ZNF441: variants seen among roughly 807,000 people sequenced by gnomAD.
The protein encoded by ZNF441 is zinc finger protein 441.
Under a neutral mutation model 64.5 loss-of-function variants are expected in ZNF441, and 25 were observed. The ratio of observed to expected loss-of-function variants is 0.39; its 90% confidence interval spans 0.28 to 0.54. The LOEUF (loss-of-function observed/expected upper bound fraction) is 0.54, where lower values mean the gene tolerates loss of function less well. Ranked by LOEUF, ZNF441 falls within the 20% of genes least tolerant of loss-of-function variation. ZNF441 has a pLI of 0.70. For missense variants in ZNF441, 715 were observed against 843.3 expected, an observed-to-expected ratio of 0.85 and a Z score of 1.88; for synonymous variants, 262 against 268.0, an observed-to-expected ratio of 0.98 and a Z score of 0.22.
chr19:11,778,054 T>A (rs1306917158), intron 2 of ZNF441: 1 of 426,660 alleles, frequency 2.3e-6, no homozygotes, highest in African/African-American at 2.1e-5. Flanking sequence ...GAACATTATT[T>A]AGTATTCATA....
chr19:11,775,761 G>A (rs937519793), intron 1 of ZNF441, among the ~76,000 whole-genome samples: 14 of 151,220 alleles, frequency 9.3e-5, no homozygotes, highest in Admixed American at 7.9e-4. Flanking sequence ...TCGAGTAGCT[G>A]GAACTACAGG....
At position 11,767,177 on chromosome 19, in the gene ZNF441, A is replaced by G. The variant is rs1975276769; in HGVS notation, c.-17A>G. 4 of 1,557,972 alleles carry G rather than the reference A, an allele frequency of 2.6e-6. No homozygotes were observed. Among genetic ancestry groups the G allele is most frequent in the Non-Finnish European group, 3.5e-6 (4 of 1,150,822 alleles). ...GCGGGAGGCAGAGGGAGGAACCTGG[A>G]CGCCGGAAGCCGGGAAATGGTGAGT... is the stretch of plus-strand genomic sequence containing the variant. On this transcript the variant is annotated 5_prime_UTR_variant, in exon 1 of 4. Coordinates refer to ENST00000357901, the MANE Select transcript of ZNF441 (RefSeq NM_152355.3). This position sits in a 1 kb window ranked among gnomAD's most constrained non-coding sequence, Gnocchi z 5.1.
In ZNF441 at chr19:11,781,416, A is replaced by C. The variant is rs781511935; in HGVS notation, c.1592A>C (p.Tyr531Ser). Residue 531 changes from tyrosine to serine, a missense_variant, in exon 4 of 4, where the codon TAT (tyrosine) becomes TCT (serine). This residue lies in a region of ZNF441 where 316 missense variants were observed against 429.3 expected (regional missense o/e 0.74). Coordinates refer to ENST00000357901, the MANE Select transcript of ZNF441 (RefSeq NM_152355.3). ...AGAATTCACACTGGGGAGAGACCCT[A>C]TAAGTGTAAACTATGTGGGAAAGGC... ...HERIHTGERP[Y>S]KCKLCGKGFR... 1 of 1,613,986 alleles carries C rather than the reference A, an allele frequency of 6.2e-7. No individual in the cohort carries two copies. The highest frequency in any genetic ancestry group is 1.3e-5 in the African/African-American group (1 of 74,924).
intron 1 of ZNF441, among the ~76,000 whole-genome samples, chr19:11,775,719 G>T (rs951627468): frequency 2.1e-5 from 3 of 145,904 alleles, no homozygotes; most frequent in African/African-American, 7.7e-5. Context: ...CCTCCGATTC[G>T]CAGGTTCAAG....
intron 1 of ZNF441, among the ~76,000 whole-genome samples, chr19:11,772,916 C>T (rs576689248): frequency 1.3e-5 from 2 of 152,244 alleles, no homozygotes; most frequent in South Asian, 2.1e-4. Flanking sequence ...GCCTAGCTCC[C>T]GAGTAGCTGG....
rs773677602 is a variant in ZNF441 at position 11,767,523 on chromosome 19, A to C, written c.3+327A>C. Among the ~76,000 whole-genome samples, 50 of 152,298 alleles carry C rather than the reference A, an allele frequency of 3.3e-4. No individual in the cohort carries two copies. The highest frequency in any genetic ancestry group is 6.3e-4 in the Non-Finnish European group (43 of 68,024). ...ACTGCACCGAGACGCCGAGGGCTGC[A>C]GCAGAAACAGTTTAATAGGGGGAGA... On this transcript the variant is annotated intron_variant, in intron 1 of 3. Transcript: ENST00000357901. This position sits in a 1 kb window ranked among gnomAD's most constrained non-coding sequence, Gnocchi z 5.1.
rs148719452 is a variant in ZNF441, at chr19:11,781,043, C to A, written c.1219C>A (p.Arg407=). 2.5e-6 allele frequency: 4 copies of A among 1,613,874 alleles called. No homozygotes were observed. Among genetic ancestry groups the A allele is most frequent in the African/African-American group, 2.7e-5 (2 of 74,870 alleles). ...GKAFSDFYYF[R]NHETTHTGEK... ...AGCCTTTAGTGATTTCTATTACTTT[C>A]GAAATCATGAAACTACTCACACTGG... is the stretch of plus-strand genomic sequence containing the variant. The change falls in exon 4 of 4, where the codon CGA becomes AGA. Residue 407 remains arginine, a synonymous_variant. Coordinates refer to ENST00000357901, the MANE Select transcript of ZNF441 (RefSeq NM_152355.3).
In ZNF441 at chr19:11,777,605, T is replaced by C. The variant is rs1470240657; in HGVS notation, c.4-6T>C. 6.8e-6 allele frequency: 11 copies of C among 1,610,936 alleles called. No individual in the cohort carries two copies. Among genetic ancestry groups the C allele is most frequent in the Middle Eastern group, 3.3e-4 (2 of 6,072 alleles). On this transcript the variant is annotated splice_polypyrimidine_tract_variant and splice_region_variant and intron_variant, in intron 1 of 3. Transcript: ENST00000357901. Reference sequence around the variant, plus strand: ...ATTCCTCCTCTGCACATGTGAAATATTTCAGGACTCAGTGGCATTTGAGGA... The same window carrying C: ...ATTCCTCCTCTGCACATGTGAAATACTTCAGGACTCAGTGGCATTTGAGGA...
Position 11,771,494 on chromosome 19 carries a change from A to G in ZNF441, c.3+4298A>G, listed in dbSNP as rs930382588. Among the ~76,000 whole-genome samples the G allele has an allele frequency of 1.6e-4, 24 of 152,384 alleles. 1 individual carries two copies. The highest frequency in any genetic ancestry group is 5.5e-4 in the African/African-American group (23 of 41,590). On this transcript the variant is annotated intron_variant, in intron 1 of 3. Coordinates refer to ENST00000357901, the MANE Select transcript of ZNF441 (RefSeq NM_152355.3). ...AATATAAAACAAGAATAGTTATACC[A>G]GATATAGATCTTAGATATGATTATA...
chr19:11,778,696 G>A (rs948052114), intron 3 of ZNF441, among the ~76,000 whole-genome samples: 3 of 152,048 alleles, frequency 2.0e-5, no homozygotes, highest in Admixed American at 6.6e-5. Flanking sequence ...GTCCTTAAGC[G>A]TTCCTCCTGC....
rs1489091174 is a variant in ZNF441 at position 11,781,859 on chromosome 19, G to A, written c.2035G>A (p.Ala679Thr). The A allele has an allele frequency of 6.2e-7, 1 of 1,607,432 alleles. No homozygotes were observed. Among genetic ancestry groups the A allele is most frequent in the Non-Finnish European group, 8.5e-7 (1 of 1,175,764 alleles). ...CTATAAGTGTAAAGAATGTGGGGAA[G>A]CATTTCATTGTATCAGTTCCTTTCA... ...KPYKCKECGE[A>T]FHCISSFHKH... Residue 679 changes from alanine (A) to threonine (T), a missense_variant, in exon 4 of 4, where the codon GCA (alanine) becomes ACA (threonine). Ala to Thr is a moderately conservative substitution (Grantham distance 58, BLOSUM62 0). Around this residue, in one of 2 missense-constraint regions of ZNF441, gnomAD observed 316 missense variants for 429.3 expected, o/e 0.74. Coordinates refer to ENST00000357901, the MANE Select transcript of ZNF441 (RefSeq NM_152355.3).
At chr19:11,772,012 G>C (rs1382261819) in intron 1 of ZNF441, among the ~76,000 whole-genome samples, 1 of 152,208 alleles carries the variant, frequency 6.6e-6, no homozygotes, top group Non-Finnish European at 1.5e-5. Flanking sequence ...CTGCCTTCTA[G>C]ATAGCGGTAG....
chr19:11,782,217 T>C lies in ZNF441; in HGVS notation c.*311T>C, dbSNP rs541613769. 5.0e-6 allele frequency: 1 copy of C among 200,494 alleles called. No homozygotes were observed. Among genetic ancestry groups the C allele is most frequent in the African/African-American group, 2.3e-5 (1 of 43,226 alleles). The allele number at this position is 200,494 out of a possible 1,614,324, so 12.4% of individuals were successfully genotyped here. A position where few individuals can be genotyped will look rare whatever the true frequency, so the allele number is the denominator to read the frequency against. On this transcript the variant is annotated 3_prime_UTR_variant, in exon 4 of 4. Transcript: ENST00000357901. ...ATGCATTTACTAGTCCTAATTCATT[T>C]CAGTTACATGAAAGATTTCAAACTG...
chr19:11,781,548 G>A lies in ZNF441; in HGVS notation c.1724G>A (p.Arg575Gln), dbSNP rs1438217932. ...GCATTATCTGATCTCTCAAGCTTTCGAAGACACATGATAACACATACTGGA... is the reference window on the plus strand; with the variant it reads ...GCATTATCTGATCTCTCAAGCTTTCAAAGACACATGATAACACATACTGGA... ...GKALSDLSSFRRHMITHTGNG... is the reference protein window; with the variant it reads ...GKALSDLSSFQRHMITHTGNG... The change falls in exon 4 of 4, where the codon CGA becomes CAA. Residue 575 changes from arginine (R) to glutamine (Q), a missense_variant. By Grantham distance (43) the Arg-to-Gln change is conservative. Transcript: ENST00000357901. 7.4e-6 allele frequency: 12 copies of A among 1,613,376 alleles called. No individual in the cohort carries two copies. Among genetic ancestry groups the A allele is most frequent in the African/African-American group, 1.3e-5 (1 of 74,738 alleles).
intron 3 of ZNF441, among the ~76,000 whole-genome samples, chr19:11,779,332 AAAAAAG>A (rs1555771503): frequency 6.7e-6 from 1 of 150,338 alleles, no homozygotes; most frequent in African/African-American, 2.4e-5. Context: ...AAAAAAAAAA[AAAAAAG>A]AAAAAGAAAA....
intron 1 of ZNF441, among the ~76,000 whole-genome samples, chr19:11,776,158 T>C (rs573337954): frequency 1.3e-5 from 2 of 152,264 alleles, no homozygotes; most frequent in African/African-American, 4.8e-5. Flanking sequence ...CACAGATGGA[T>C]TGAAAAATAC....
chr19:11,781,659 A>T lies in ZNF441; in HGVS notation c.1835A>T (p.Glu612Val). The T allele has an allele frequency of 6.2e-7, 1 of 1,614,190 alleles. No homozygotes were observed. The highest frequency in any genetic ancestry group is 2.2e-5 in the East Asian group (1 of 44,878). ...VQRHERTHTG[E>V]KPYECKECGK... ...AGACATGAAAGAACTCACACTGGAG[A>T]GAAACCCTATGAATGCAAGGAATGT... Residue 612 changes from glutamate (E) to valine (V), a missense_variant, in exon 4 of 4, where the codon GAG (glutamate) becomes GTG (valine). Coordinates refer to ENST00000357901, the MANE Select transcript of ZNF441 (RefSeq NM_152355.3).
intron 1 of ZNF441, among the ~76,000 whole-genome samples, chr19:11,772,708 C>T (rs1347083901): frequency 1.3e-5 from 2 of 152,160 alleles, no homozygotes; most frequent in East Asian, 3.8e-4. Context: ...CCCATCTCTA[C>T]AGAAAACACA....
At chr19:11,775,651 G>A (rs1336137084) in intron 1 of ZNF441, among the ~76,000 whole-genome samples, 2 of 112,990 alleles carry the variant, frequency 1.8e-5, no homozygotes, top group Non-Finnish European at 1.7e-5. Context: ...TTTTTGTGAC[G>A]GAATCTTGCT....
Sources: gnomAD v4.1 joint callset for allele counts (sites outside exome capture counted in the v4.1 genomes callset) on GRCh38, gnomAD v4.1.1 for gene constraint, gnomAD v4.1.1 regional missense constraint, Gnocchi (gnomAD v3.1) non-coding constraint, MANE v1.5 for transcripts, NCBI Gene and HGNC (gene_info 2026-07-23, HGNC 2026-07-21) for gene names.